FRMD4A: variants seen among roughly 807,000 people sequenced by gnomAD.
The protein encoded by FRMD4A is FERM domain containing 4A.
In FRMD4A, 29 loss-of-function variants were observed where a neutral mutation model predicts 129.1. That is an observed-to-expected ratio of 0.22 (90% CI 0.17 to 0.31). The LOEUF (loss-of-function observed/expected upper bound fraction) is 0.31. Among genes scored for constraint, FRMD4A ranks in the 10% least tolerant of loss-of-function variants. The probability of loss-of-function intolerance (pLI) is 1.00; values close to 1 mark genes in which losing one functional copy is unlikely to be tolerated. For missense variants in FRMD4A, 1,272 were observed against 1,375.8 expected, an observed-to-expected ratio of 0.92 and a Z score of 1.19; for synonymous variants, 634 against 571.6, an observed-to-expected ratio of 1.11 and a Z score of -1.56.
At chr10:13,727,491 G>A (rs1372142772) in intron 12 of FRMD4A, among the ~76,000 whole-genome samples, 3 of 152,132 alleles carry the variant, frequency 2.0e-5, no homozygotes, top group Admixed American at 6.5e-5. Context: ...CGGTGGCTCC[G>A]GGGTCATCCT....
At chr10:13,958,494 A>G (rs1037150166) in intron 2 of FRMD4A, among the ~76,000 whole-genome samples, 1 of 152,016 alleles carries the variant, frequency 6.6e-6, no homozygotes, top group Non-Finnish European at 1.5e-5. Flanking sequence ...CGTGTTAGCC[A>G]GGATGGTCTT....
chr10:13,699,818 G>A (rs2086630859), intron 14 of FRMD4A, among the ~76,000 whole-genome samples: 1 of 152,178 alleles, frequency 6.6e-6, no homozygotes, highest in Non-Finnish European at 1.5e-5. Context: ...TCGAGCATGA[G>A]TCAAAAACAC....
chr10:13,852,249 A>AC (rs2094149707), intron 3 of FRMD4A, among the ~76,000 whole-genome samples: 1 of 146,840 alleles, frequency 6.8e-6, no homozygotes, highest in Non-Finnish European at 1.5e-5. Context: ...TAAGATTTTA[A>AC]TTTTTTTTTT....
At chr10:14,236,338 A>G (rs867739775) in intron 2 of FRMD4A, among the ~76,000 whole-genome samples, 25 of 152,166 alleles carry the variant, frequency 1.6e-4, no homozygotes, top group African/African-American at 6.0e-4. Flanking sequence ...TGATCCAAGG[A>G]AAGAGGTGTG....
At chr10:13,678,985 T>C (rs879076085) in intron 15 of FRMD4A, among the ~76,000 whole-genome samples, 8 of 152,260 alleles carry the variant, frequency 5.3e-5, no homozygotes, top group Admixed American at 2.0e-4. Flanking sequence ...TACAGTGCTA[T>C]AGGACACTCG....
At chr10:13,781,276 C>G (rs1037965104) in intron 6 of FRMD4A, among the ~76,000 whole-genome samples, 2 of 126,090 alleles carry the variant, frequency 1.6e-5, no homozygotes, top group Admixed American at 1.1e-4. Context: ...TGAACTCCAG[C>G]CTGGGCGAGA....
chr10:13,735,153 G>A (rs61469030), intron 12 of FRMD4A, among the ~76,000 whole-genome samples: 1,993 of 152,312 alleles, frequency 0.013, 71 homozygotes, highest in South Asian at 0.11. Flanking sequence ...GATTACAGGC[G>A]TGAGCCACTG....
intron 15 of FRMD4A, among the ~76,000 whole-genome samples, chr10:13,689,624 C>G (rs1174502708): frequency 6.7e-6 from 1 of 149,286 alleles, no homozygotes; most frequent in Admixed American, 6.7e-5. Flanking sequence ...ACCATCATAG[C>G]TCACTACAGC....
At chr10:13,686,677 G>A (rs538235537) in intron 15 of FRMD4A, among the ~76,000 whole-genome samples, 89 of 152,282 alleles carry the variant, frequency 5.8e-4, no homozygotes, top group Middle Eastern at 3.4e-3. Flanking sequence ...TCGCAATCTT[G>A]CTGATCACAC....
At position 13,817,716 on chromosome 10, in the gene FRMD4A, G is replaced by C. The variant is rs1588884023; in HGVS notation, c.112-6808C>G. Among the ~76,000 whole-genome samples, 8 of 152,312 alleles carry C rather than the reference G, an allele frequency of 5.3e-5. No homozygotes were observed. In the South Asian group the frequency reaches 1.7e-3, roughly 32 times the overall value. ...TTCTCCTTTGCCTTCCGCCGTGATT[G>C]TGAGGCCATGTGGAACTGTGAGTTC... On this transcript the variant is annotated intron_variant, in intron 3 of 24. Transcript: ENST00000357447.
chr10:13,941,107 G>A (rs1398624739), intron 2 of FRMD4A, among the ~76,000 whole-genome samples: 2 of 152,178 alleles, frequency 1.3e-5, no homozygotes, highest in Non-Finnish European at 2.9e-5. Flanking sequence ...TGGTTTGGCT[G>A]TGTCCCCACC....
intron 2 of FRMD4A, among the ~76,000 whole-genome samples, chr10:14,137,256 C>G (rs190822842): frequency 6.6e-6 from 1 of 152,190 alleles, no homozygotes; most frequent in Non-Finnish European, 1.5e-5. Context: ...GGAATAACTC[C>G]CCCTTGCCCA....
chr10:13,818,542 A>T (rs1247997377), intron 3 of FRMD4A, among the ~76,000 whole-genome samples: 1 of 152,256 alleles, frequency 6.6e-6, no homozygotes, highest in South Asian at 2.1e-4. Context: ...TAAGAGTGTT[A>T]TTCACCCATT....
intron 2 of FRMD4A, among the ~76,000 whole-genome samples, chr10:14,212,807 T>C (rs756279542): frequency 1.3e-5 from 2 of 152,220 alleles, no homozygotes; most frequent in Non-Finnish European, 2.9e-5. Context: ...TTCATGATGG[T>C]CCAGGTATAT....
chr10:14,103,047 G>A, intron 2 of FRMD4A, among the ~76,000 whole-genome samples: 1 of 152,182 alleles, frequency 6.6e-6, no homozygotes, highest in Non-Finnish European at 1.5e-5. Flanking sequence ...AAGTTGGAGG[G>A]AGGAAAGGAT....
At chr10:14,122,604 T>TG (rs1838591296) in intron 2 of FRMD4A, among the ~76,000 whole-genome samples, 2 of 52,366 alleles carry the variant, frequency 3.8e-5, no homozygotes, top group Non-Finnish European at 7.5e-5. Flanking sequence ...GCAAGTGGGG[T>TG]GGGGGGTAGG....
chr10:13,798,157 TC>T (rs1377939594), intron 4 of FRMD4A, among the ~76,000 whole-genome samples: 1 of 151,676 alleles, frequency 6.6e-6, no homozygotes, highest in African/African-American at 2.4e-5. Flanking sequence ...ACGCCTGTAA[TC>T]CCAGCACTTT....
chr10:13,697,680 C>G (rs1370051924), intron 14 of FRMD4A, among the ~76,000 whole-genome samples: 1 of 151,992 alleles, frequency 6.6e-6, no homozygotes, highest in African/African-American at 2.4e-5. Flanking sequence ...GTCCCTGTCC[C>G]CCTTTGACTC....
chr10:14,010,762 G>T (rs766964323), intron 2 of FRMD4A, among the ~76,000 whole-genome samples: 1 of 142,510 alleles, frequency 7.0e-6, no homozygotes, highest in East Asian at 2.2e-4. Flanking sequence ...TCCTCGCTTC[G>T]GCCCCCCAAA....
Sources: gnomAD v4.1 joint callset for allele counts (sites outside exome capture counted in the v4.1 genomes callset) on GRCh38, gnomAD v4.1.1 for gene constraint, MANE v1.5 for transcripts, NCBI Gene and HGNC (gene_info 2026-07-23, HGNC 2026-07-21) for gene names.